Variants in SENP6 observed in about 807,000 individuals in gnomAD.
SENP6 encodes the protein SUMO specific peptidase 6, also known as sentrin-specific protease 6.
SENP6 carries 41 observed loss-of-function variants against 134.5 expected under a neutral mutation model. The observed-to-expected ratio is 0.30, with a 90% confidence interval of 0.24 to 0.40. The LOEUF is 0.40. SENP6 is among the 10% of genes least tolerant of loss of function. The pLI is 1.00. For missense variants in SENP6, 1,248 were observed against 1,312.5 expected (o/e 0.95, Z 0.76); for synonymous variants, 395 against 429.8 (o/e 0.92, Z 1.00).
At chr6:75,702,409 G>C (rs1775098661) in intron 18 of SENP6, among the ~76,000 whole-genome samples, 1 of 151,756 alleles carries the variant, frequency 6.6e-6, no homozygotes, top group African/African-American at 2.4e-5. Flanking sequence ...GTAGAGACAG[G>C]GTTTTGCCAT....
intron 8 of SENP6, among the ~76,000 whole-genome samples, 158 bp from the exon 9 acceptor site, chr6:75,663,063 T>G (rs1034429794): frequency 6.6e-6 from 1 of 152,178 alleles, no homozygotes; most frequent in Non-Finnish European, 1.5e-5. Context: ...TTTTGAGACT[T>G]TGAGGGGATT....
At chr6:75,682,238 C>T (rs761873091) in intron 16 of SENP6, among the ~76,000 whole-genome samples, 64 of 151,696 alleles carry the variant, frequency 4.2e-4, no homozygotes, top group Non-Finnish European at 8.3e-4. Context: ...GAAGCAAAAA[C>T]TGATAGACCT....
chr6:75,603,768 A>G (rs1766816926), intron 1 of SENP6, among the ~76,000 whole-genome samples: 1 of 152,154 alleles, frequency 6.6e-6, no homozygotes, highest in Non-Finnish European at 1.5e-5. Context: ...AATAGTGAAT[A>G]ATAGAGGTAA....
intron 1 of SENP6, among the ~76,000 whole-genome samples, chr6:75,610,383 A>T (rs9352228): frequency 0.11 from 16,919 of 152,174 alleles, 951 homozygotes; most frequent in African/African-American, 0.13. Context: ...TACCTAAGTC[A>T]TATTACTTAG....
chr6:75,657,930 T>G (rs1771470811), intron 7 of SENP6, among the ~76,000 whole-genome samples: 1 of 152,080 alleles, frequency 6.6e-6, no homozygotes, highest in African/African-American at 2.4e-5. Flanking sequence ...GGAAGTAAGA[T>G]TGAAACAGGA....
chr6:75,667,761 G>A (rs1772359531), intron 10 of SENP6, among the ~76,000 whole-genome samples: 1 of 152,142 alleles, frequency 6.6e-6, no homozygotes, highest in Admixed American at 6.5e-5. Context: ...GGCTTTATAT[G>A]CAAACATGAT....
intron 16 of SENP6, among the ~76,000 whole-genome samples, chr6:75,680,984 A>G (rs749064216): frequency 2.8e-4 from 42 of 152,366 alleles, no homozygotes; most frequent in Admixed American, 5.2e-4. Context: ...TTCAAAATGA[A>G]AATCATTTGC....
At position 75,649,816 on chromosome 6, in the gene SENP6, T is replaced by C. The variant is rs73456913; in HGVS notation, c.550+2015T>C. ...ACGCGTCAGCCACCGCGCCTGGCCC[T>C]TAACCTATTATTTTGAAATAATTTT... On this transcript the variant is annotated intron_variant, in intron 7 of 23. Transcript: ENST00000447266. Among the ~76,000 whole-genome samples the C allele has an allele frequency of 1.6e-3, 251 of 152,322 alleles. 2 individuals carry two copies. The highest frequency in any genetic ancestry group is 5.9e-3 in the African/African-American group (244 of 41,584).
chr6:75,617,975 G>A (rs1320687361), intron 1 of SENP6, among the ~76,000 whole-genome samples: 1 of 152,210 alleles, frequency 6.6e-6, no homozygotes, highest in Non-Finnish European at 1.5e-5. Context: ...AAGGATCACA[G>A]TGCTGAAGTG....
chr6:75,622,757 C>T (rs1768372946), intron 2 of SENP6: 1 of 1,284,666 alleles, frequency 7.8e-7, no homozygotes, highest in Non-Finnish European at 1.0e-6. Flanking sequence ...GTAGGTGCTT[C>T]ACTTCTGTCT....
intron 1 of SENP6, among the ~76,000 whole-genome samples, chr6:75,607,854 A>G (rs1178841874): frequency 6.6e-6 from 1 of 152,172 alleles, no homozygotes; most frequent in Non-Finnish European, 1.5e-5. Context: ...GAACCCAATC[A>G]GTTTGCCAGT....
Position 75,666,806 on chromosome 6 carries a change from T to A in SENP6, c.1089T>A (p.Pro363=). 1 of 1,613,804 alleles carries A rather than the reference T, an allele frequency of 6.2e-7. No homozygotes were observed. Among genetic ancestry groups the A allele is most frequent in the Non-Finnish European group, 8.5e-7 (1 of 1,179,704 alleles). Residue 363 remains proline, a synonymous_variant, in exon 10 of 24, where the codon CCT becomes CCA. Coordinates refer to ENST00000447266, the MANE Select transcript of SENP6 (RefSeq NM_015571.4). ...PQPADSACSS[P]APSTGKVEAA... ...CTGCTGATTCAGCATGTTCTTCCCC[T>A]GCACCATCCACTGGAAAAGTAGAAG...
At chr6:75,612,550 C>T (rs1767534855) in intron 1 of SENP6, among the ~76,000 whole-genome samples, 1 of 152,010 alleles carries the variant, frequency 6.6e-6, no homozygotes, top group African/African-American at 2.4e-5. Flanking sequence ...AGGCTGCTCT[C>T]GACTTCTGGC....
chr6:75,681,287 C>G (rs528783667), intron 16 of SENP6, among the ~76,000 whole-genome samples: 2 of 152,048 alleles, frequency 1.3e-5, no homozygotes, highest in Non-Finnish European at 2.9e-5. Context: ...AGCACCTCCC[C>G]CTTTGCTCTC....
At chr6:75,605,036 C>T (rs58037750) in intron 1 of SENP6, among the ~76,000 whole-genome samples, 12 of 152,052 alleles carry the variant, frequency 7.9e-5, no homozygotes, top group South Asian at 2.1e-4. Flanking sequence ...TCGCACCATT[C>T]GCACTCCAGC....
intron 10 of SENP6, among the ~76,000 whole-genome samples, chr6:75,668,387 A>G (rs1772412161): frequency 6.6e-6 from 1 of 152,216 alleles, no homozygotes; most frequent in African/African-American, 2.4e-5. Context: ...AAAAATAGTA[A>G]GCTATGTGAC....
chr6:75,633,220 C>T (rs1173528219), intron 3 of SENP6, among the ~76,000 whole-genome samples: 2 of 152,110 alleles, frequency 1.3e-5, no homozygotes, highest in Non-Finnish European at 2.9e-5. Flanking sequence ...AGCCGATTGC[C>T]ATATTTGGCT....
Position 75,663,202 on chromosome 6 carries a change from T to C in SENP6, c.697-19T>C. The C allele has an allele frequency of 6.2e-7, 1 of 1,603,672 alleles. No homozygotes were observed. Among genetic ancestry groups the C allele is most frequent in the Middle Eastern group, 1.7e-4 (1 of 6,014 alleles). On this transcript the variant is annotated intron_variant, in intron 8 of 23. Coordinates refer to ENST00000447266, the MANE Select transcript of SENP6 (RefSeq NM_015571.4). ...AAAATCAGACCAAATGCCAAAGTTGTGGTGTTCTTTTTTCTAAGGATTTGC... is the reference window on the plus strand; with the variant it reads ...AAAATCAGACCAAATGCCAAAGTTGCGGTGTTCTTTTTTCTAAGGATTTGC...
At chr6:75,640,404 A>G (rs566605610) in intron 5 of SENP6, among the ~76,000 whole-genome samples, 1 of 152,338 alleles carries the variant, frequency 6.6e-6, no homozygotes, top group East Asian at 1.9e-4. Context: ...GGAATATTGT[A>G]TTCTAACATA....
Sources: allele counts gnomAD v4.1 joint callset (sites outside exome capture counted in the v4.1 genomes callset), GRCh38; gene constraint gnomAD v4.1.1; transcripts MANE v1.5; gene names NCBI Gene and HGNC (gene_info 2026-07-23, HGNC 2026-07-21).